The following CD1B variants were observed in gnomAD, a reference collection of about 807,000 sequenced individuals.
The protein encoded by CD1B is T-cell surface glycoprotein CD1b.
CD1B carries 43 observed loss-of-function variants against 39.8 expected under a neutral mutation model. The observed-to-expected ratio is 1.08, with a 90% confidence interval of 0.85 to 1.39. CD1B has a LOEUF of 1.39. Ranked by LOEUF, CD1B falls within the 40% of genes most tolerant of loss-of-function variation. The pLI, the probability that CD1B is intolerant of heterozygous loss-of-function variation, is 0.00. For synonymous variants in CD1B, 192 were observed against 152.5 expected (o/e 1.26, Z -1.91); for missense variants, 495 against 403.8 (o/e 1.23, Z -1.94).
chr1:158,314,195 C>T, the CD1B span, among the ~76,000 whole-genome samples: 1 of 152,134 alleles, frequency 6.6e-6, no homozygotes, highest in Non-Finnish European at 1.5e-5. Context: ...AGTGATTCTC[C>T]TGATTCAGCC....
the CD1B span, chr1:158,292,885 A>T: frequency 6.2e-7 from 1 of 1,612,688 alleles, no homozygotes; most frequent in Non-Finnish European, 8.5e-7. Flanking sequence ...GTAAGACTGG[A>T]GGTTGGAAGT....
At chr1:158,304,322 C>T in the CD1B span, among the ~76,000 whole-genome samples, 4 of 152,152 alleles carry the variant, frequency 2.6e-5, no homozygotes, top group East Asian at 7.7e-4. Context: ...GGGTCCTATG[C>T]CCACGGAGCC....
At chr1:158,316,801 A>T in the CD1B span, among the ~76,000 whole-genome samples, 232 of 151,894 alleles carry the variant, frequency 1.5e-3, 5 homozygotes, top group African/African-American at 5.0e-3. Flanking sequence ...GGTTTGTCAT[A>T]GATAGCTCTT....
chr1:158,315,762 G>C, the CD1B span, among the ~76,000 whole-genome samples: 1 of 152,008 alleles, frequency 6.6e-6, no homozygotes, highest in Admixed American at 6.6e-5. Flanking sequence ...TATTGCCTAG[G>C]TTTTCTTGTA....
chr1:158,289,791 G>C, the CD1B span: 1 of 369,332 alleles, frequency 2.7e-6, no homozygotes. Flanking sequence ...GTCTAAGGCA[G>C]TTGAGGAAGG....
chr1:158,294,131 CAG>C, the CD1B span, among the ~76,000 whole-genome samples: 2 of 152,230 alleles, frequency 1.3e-5, no homozygotes, highest in Admixed American at 1.3e-4. Context: ...TGCAAATAGA[CAG>C]AGAGTGTGCA....
At chr1:158,291,846 A>G in the CD1B span, among the ~76,000 whole-genome samples, 1 of 151,962 alleles carries the variant, frequency 6.6e-6, no homozygotes, top group Non-Finnish European at 1.5e-5. Context: ...CTCACCTATC[A>G]TTTTTCCACA....
the CD1B span, among the ~76,000 whole-genome samples, chr1:158,298,739 T>C: frequency 6.6e-6 from 1 of 152,190 alleles, no homozygotes; most frequent in African/African-American, 2.4e-5. Context: ...ACATCCCTTG[T>C]AAGTTGGATT....
chr1:158,327,574 A>G (rs1207727536), downstream of CD1B, among the ~76,000 whole-genome samples: 3 of 152,246 alleles, frequency 2.0e-5, no homozygotes, highest in Non-Finnish European at 4.4e-5. Context: ...TTTACTGAGA[A>G]AATGAATTTG....
chr1:158,295,162 A>G, the CD1B span, among the ~76,000 whole-genome samples: 1 of 152,152 alleles, frequency 6.6e-6, no homozygotes, highest in Non-Finnish European at 1.5e-5. Flanking sequence ...GACTAGATGC[A>G]GCCAGGAAGA....
chr1:158,302,852 T>C, the CD1B span, among the ~76,000 whole-genome samples: 3 of 152,098 alleles, frequency 2.0e-5, no homozygotes, highest in African/African-American at 4.8e-5. Context: ...TTCTAACAGG[T>C]ATATAAAGAA....
the CD1B span, among the ~76,000 whole-genome samples, chr1:158,311,240 T>A: frequency 6.6e-6 from 1 of 152,172 alleles, no homozygotes; most frequent in Non-Finnish European, 1.5e-5. Context: ...TGAAGTGATA[T>A]CTCATTGTGG....
chr1:158,293,613 C>T, the CD1B span: 1 of 1,596,956 alleles, frequency 6.3e-7, no homozygotes, highest in Non-Finnish European at 8.6e-7. Context: ...TTAATAAAAA[C>T]CAAATTCTAA....
chr1:158,301,117 C>CT, the CD1B span, among the ~76,000 whole-genome samples: 432 of 150,204 alleles, frequency 2.9e-3, 5 homozygotes, highest in South Asian at 0.023. Flanking sequence ...GCAACCCCTG[C>CT]TTTTTTTTTG....
the CD1B span, among the ~76,000 whole-genome samples, chr1:158,319,984 G>T: frequency 6.6e-6 from 1 of 152,142 alleles, no homozygotes; most frequent in African/African-American, 2.4e-5. Context: ...GGGAGTCAGG[G>T]GTCAGGGACC....
the CD1B span, among the ~76,000 whole-genome samples, chr1:158,320,199 C>T: frequency 6.6e-6 from 1 of 152,354 alleles, no homozygotes; most frequent in South Asian, 2.1e-4. Context: ...GTTCGAGCTT[C>T]CTGGCTGCTT....
At chr1:158,299,554 A>G in the CD1B span, among the ~76,000 whole-genome samples, 1 of 152,244 alleles carries the variant, frequency 6.6e-6, no homozygotes, top group Non-Finnish European at 1.5e-5. Context: ...TAGTTTCAGA[A>G]GGAATGGTAC....
At chr1:158,299,205 T>TTTA in the CD1B span, among the ~76,000 whole-genome samples, 3 of 152,204 alleles carry the variant, frequency 2.0e-5, no homozygotes, top group Non-Finnish European at 4.4e-5. Flanking sequence ...TCTAGTGTAT[T>TTTA]GGGAGTTTTT....
the CD1B span, among the ~76,000 whole-genome samples, chr1:158,305,861 G>A: frequency 2.0e-5 from 3 of 152,154 alleles, no homozygotes; most frequent in Non-Finnish European, 4.4e-5. Flanking sequence ...AAATAAAATA[G>A]TTTACAGACA....
Sources: gnomAD v4.1 joint callset for allele counts (sites outside exome capture counted in the v4.1 genomes callset) on GRCh38, gnomAD v4.1.1 for gene constraint, MANE v1.5 for transcripts, NCBI Gene and HGNC (gene_info 2026-07-23, HGNC 2026-07-21) for gene names.